The following RRP1B variants were observed in gnomAD, a reference collection of about 807,000 sequenced individuals.
The protein encoded by RRP1B is ribosomal RNA processing 1B.
RRP1B carries 56 observed loss-of-function variants against 80.2 expected under a neutral mutation model. The observed-to-expected ratio is 0.70, with a 90% CI of 0.56 to 0.87. RRP1B has a LOEUF of 0.87. Among genes scored for constraint, RRP1B ranks in the 40% least tolerant of loss-of-function variants. The probability of loss-of-function intolerance (pLI) is 0.00; values close to 1 mark genes in which losing one functional copy is unlikely to be tolerated. For missense variants in RRP1B, 807 were observed against 939.8 expected (o/e 0.86, Z 1.85); for synonymous variants, 351 against 357.6 (o/e 0.98, Z 0.21).
rs2083095597 is a variant in RRP1B at position 43,693,562 on chromosome 21, T to C, written c.*179T>C. 2 of 552,684 alleles carry C rather than the reference T, an allele frequency of 3.6e-6. No individual in the cohort carries two copies. Among genetic ancestry groups the C allele is most frequent in the Non-Finnish European group, 6.0e-6 (2 of 331,086 alleles). 34.2% of individuals were successfully genotyped at this position (552,684 alleles called of 1,614,324 possible). A position where few individuals can be genotyped will look rare whatever the true frequency, so the allele number is the denominator to read the frequency against. On this transcript the variant is annotated 3_prime_UTR_variant, in exon 16 of 16. Coordinates refer to ENST00000340648, the MANE Select transcript of RRP1B (RefSeq NM_015056.3). The surrounding 1 kb of genome is among the most constrained non-coding windows in gnomAD (Gnocchi z 4.1). Reference sequence around the variant, plus strand: ...CCCCTCTGTAGTGGCTGCGGGCGTCTTGGTTGAATCTTTTGCTACAAACCA... The same window carrying C: ...CCCCTCTGTAGTGGCTGCGGGCGTCCTGGTTGAATCTTTTGCTACAAACCA...
In RRP1B at chr21:43,659,587, T is replaced by TGGCTGGCTGCTCCGCAGCGCTC. The variant is rs1220384932; in HGVS notation, c.-67_-46dup. 7.8e-7 allele frequency: 1 copy of TGGCTGGCTGCTCCGCAGCGCTC among 1,282,520 alleles called. No homozygotes were observed. Among genetic ancestry groups the TGGCTGGCTGCTCCGCAGCGCTC allele is most frequent in the Admixed American group, 4.3e-5 (1 of 23,144 alleles). The allele number at this position is 1,282,520 out of a possible 1,614,324, so 79.4% of individuals were successfully genotyped here. ...GTGCAGTCGCGGCCCGGGCGGACGG[T>TGGCTGGCTGCTCCGCAGCGCTC]GGCTGGCTGCTCCGCAGCGCTCGGC... On this transcript the variant is annotated 5_prime_UTR_variant, in exon 1 of 16. Coordinates refer to ENST00000340648, the MANE Select transcript of RRP1B (RefSeq NM_015056.3). This position sits in a 1 kb window ranked among gnomAD's most constrained non-coding sequence, Gnocchi z 4.2.
In RRP1B at chr21:43,683,314, A is replaced by G; in HGVS notation, c.832A>G (p.Ser278Gly). The change falls in exon 9 of 16, where the codon AGT (serine) becomes GGT (glycine). Residue 278 changes from serine to glycine, a missense_variant. Physicochemically the swap from Ser to Gly is moderately conservative, Grantham distance 56. Coordinates refer to ENST00000340648, the MANE Select transcript of RRP1B (RefSeq NM_015056.3). ...GKNHSRKDGL[S>G]DERGRDDCGT... Reference sequence around the variant, plus strand: ...AAACCATTCCAGAAAAGATGGACTCAGTGATGAAAGAGGAAGAGATGACTG... The same window carrying G: ...AAACCATTCCAGAAAAGATGGACTCGGTGATGAAAGAGGAAGAGATGACTG... 1 of 1,614,206 alleles carries G rather than the reference A, an allele frequency of 6.2e-7. No individual in the cohort carries two copies. Among genetic ancestry groups the G allele is most frequent in the Non-Finnish European group, 8.5e-7 (1 of 1,180,026 alleles).
chr21:43,681,512 T>C (rs1168549150), intron 8 of RRP1B, among the ~76,000 whole-genome samples: 5 of 152,244 alleles, frequency 3.3e-5, no homozygotes, highest in African/African-American at 1.2e-4. Context: ...TGCACCACCA[T>C]GCTTAGCAAA....
chr21:43,679,058 G>A (rs1434471701), intron 8 of RRP1B, among the ~76,000 whole-genome samples: 2 of 152,126 alleles, frequency 1.3e-5, no homozygotes, highest in Non-Finnish European at 2.9e-5. Context: ...GATCAGTTGA[G>A]TGTAAGTATT....
intron 13 of RRP1B, among the ~76,000 whole-genome samples, chr21:43,689,433 C>T (rs142060617): frequency 6.6e-6 from 1 of 152,184 alleles, no homozygotes; most frequent in Admixed American, 6.5e-5. Flanking sequence ...GAAAGCCTTA[C>T]CCAGGGGCAG....
intron 15 of RRP1B, among the ~76,000 whole-genome samples, chr21:43,692,186 C>G (rs796486864): frequency 1.1e-4 from 17 of 152,368 alleles, no homozygotes; most frequent in African/African-American, 3.8e-4. Flanking sequence ...GTAGCTGTCT[C>G]TCTGCGAAAC....
intron 3 of RRP1B, among the ~76,000 whole-genome samples, chr21:43,672,653 G>A (rs1011530764): frequency 2.6e-5 from 4 of 152,126 alleles, no homozygotes; most frequent in Admixed American, 6.6e-5. Context: ...CAGGGTCCAC[G>A]GTGACCTCTG....
chr21:43,694,533 G>C lies in RRP1B; in HGVS notation c.*1150G>C, dbSNP rs1400388856. On this transcript the variant is annotated 3_prime_UTR_variant, in exon 16 of 16. Coordinates refer to ENST00000340648, the MANE Select transcript of RRP1B (RefSeq NM_015056.3). ...TCAAAGTGAGCGGCTCCTGAGGAGA[G>C]CCGCCAAGGCTGCTCGCCTTCTCCG... The C allele has an allele frequency of 2.6e-5, 4 of 152,292 alleles. No individual in the cohort carries two copies. Among genetic ancestry groups the C allele is most frequent in the Admixed American group, 2.6e-4 (4 of 15,292 alleles). The allele number at this position is 152,292 out of a possible 1,614,324, so 9.4% of individuals were successfully genotyped here.
chr21:43,669,935 G>A lies in RRP1B; in HGVS notation c.182G>A (p.Cys61Tyr), dbSNP rs2082992758. 6.2e-7 allele frequency: 1 copy of A among 1,612,834 alleles called. No individual in the cohort carries two copies. Among genetic ancestry groups the A allele is most frequent in the Non-Finnish European group, 8.5e-7 (1 of 1,179,138 alleles). The change falls in exon 2 of 16, where the codon TGC (cysteine) becomes TAC (tyrosine). Residue 61 changes from cysteine (C) to tyrosine (Y), a missense_variant. Coordinates refer to ENST00000340648, the MANE Select transcript of RRP1B (RefSeq NM_015056.3). ...LLKIWKGLFYCMWVQDEPLLQ... is the reference protein window; with the variant it reads ...LLKIWKGLFYYMWVQDEPLLQ... ...AAAATCTGGAAGGGGCTCTTCTACT[G>A]CATGTGGGTGCAGGATGAACCCCTT...
chr21:43,686,218 C>A (rs2083062599), intron 11 of RRP1B: 1 of 164,082 alleles, frequency 6.1e-6, no homozygotes, highest in Admixed American at 5.9e-5. Flanking sequence ...ACCTTCCTAT[C>A]CTGGGCTCTC....
chr21:43,677,131 T>A (rs769955469), intron 8 of RRP1B, among the ~76,000 whole-genome samples: 2 of 152,186 alleles, frequency 1.3e-5, no homozygotes, highest in African/African-American at 4.8e-5. Context: ...CCATGTGGCA[T>A]ACACACATTT....
chr21:43,681,301 T>TAGAA (rs1387316701), intron 8 of RRP1B, among the ~76,000 whole-genome samples: 3 of 144,230 alleles, frequency 2.1e-5, no homozygotes, highest in Non-Finnish European at 3.1e-5. Flanking sequence ...GATAGATAGA[T>TAGAA]AGAATCAAGA....
Position 43,686,895 on chromosome 21 carries a change from A to C in RRP1B, c.1101A>C (p.Gly367=). 1.2e-6 allele frequency: 2 copies of C among 1,614,036 alleles called. No homozygotes were observed. The highest frequency in any genetic ancestry group is 1.7e-6 in the Non-Finnish European group (2 of 1,179,976). The part of the protein sequence containing the change: ...ILSQGKHKKK[G]NKLLEKTNLE... ...GTCAAGGAAAGCATAAGAAGAAAGGAAATAAACTTTTAGAGAAAACTAACT... is the reference window on the plus strand; with the variant it reads ...GTCAAGGAAAGCATAAGAAGAAAGGCAATAAACTTTTAGAGAAAACTAACT... Residue 367 remains glycine, a synonymous_variant, in exon 12 of 16, where the codon GGA becomes GGC. Transcript: ENST00000340648.
At chr21:43,672,115 T>C (rs1304313450) in intron 2 of RRP1B, among the ~76,000 whole-genome samples, 193 bp from the exon 3 acceptor site, 2 of 152,238 alleles carry the variant, frequency 1.3e-5, no homozygotes, top group Admixed American at 6.5e-5. Flanking sequence ...CAAGTTAGCA[T>C]AATAGTCCGT....
intron 10 of RRP1B, among the ~76,000 whole-genome samples, chr21:43,685,236 G>C (rs2083058598): frequency 6.6e-6 from 1 of 152,122 alleles, no homozygotes; most frequent in Non-Finnish European, 1.5e-5. Context: ...AGCTCCTGTA[G>C]TTTTGCCCAT....
chr21:43,674,586 CTTTTTTTTTTTTTTT>C (rs33994751), intron 4 of RRP1B, 35 bp from the exon 5 acceptor site: 141 of 392,704 alleles, frequency 3.6e-4, no homozygotes, highest in Non-Finnish European at 4.6e-4. Flanking sequence ...CTTACCTTTC[CTTTTTTTTTTTTTTT>C]TTTTTTTTTT....
intron 8 of RRP1B, 27 bp downstream of exon 8, chr21:43,676,941 GCTTT>G (rs748554707): frequency 1.2e-6 from 2 of 1,602,266 alleles, no homozygotes; most frequent in Admixed American, 1.7e-5. Context: ...GGTCAGTGTA[GCTTT>G]CTTTCTGCTA....
intron 10 of RRP1B, 100 bp downstream of exon 10, chr21:43,684,750 T>A: frequency 1.0e-6 from 1 of 973,068 alleles, no homozygotes; most frequent in South Asian, 1.4e-5. Context: ...TTCTTTCTTC[T>A]TTTTTTGTCC....
chr21:43,665,633 G>A (rs761524670), intron 1 of RRP1B, among the ~76,000 whole-genome samples: 9 of 152,152 alleles, frequency 5.9e-5, no homozygotes, highest in Admixed American at 1.3e-4. Flanking sequence ...TGAAACCTCC[G>A]CCTCCTGGGT....
Sources: allele counts gnomAD v4.1 joint callset (sites outside exome capture counted in the v4.1 genomes callset), GRCh38; gene constraint gnomAD v4.1.1; non-coding constraint Gnocchi (gnomAD v3.1); transcripts MANE v1.5; gene names NCBI Gene and HGNC (gene_info 2026-07-23, HGNC 2026-07-21).